Variants in LGSN observed in about 807,000 individuals in gnomAD.
The protein encoded by LGSN is lengsin.
Under a neutral mutation model 19.5 loss-of-function variants are expected in LGSN, and 21 were observed. That is an observed-to-expected ratio of 1.07 (90% CI 0.76 to 1.55). LGSN has a LOEUF of 1.55. LGSN is among the 40% of genes most tolerant of loss of function. LGSN has a pLI of 0.00. For missense variants in LGSN, 673 were observed against 608.5 expected (o/e 1.11, Z -1.12); for synonymous variants, 257 against 215.6 (o/e 1.19, Z -1.68).
chr6:63,461,578 A>G, the LGSN span, among the ~76,000 whole-genome samples: 2 of 152,166 alleles, frequency 1.3e-5, no homozygotes, highest in South Asian at 2.1e-4. Context: ...CTACATTTAC[A>G]TGATCTAGTT....
At chr6:63,386,820 C>A in the LGSN span, among the ~76,000 whole-genome samples, 3 of 151,992 alleles carry the variant, frequency 2.0e-5, no homozygotes, top group Non-Finnish European at 4.4e-5. Context: ...AAATAAGGGG[C>A]GGGCATGGTG....
chr6:63,430,915 C>T, the LGSN span, among the ~76,000 whole-genome samples: 1 of 152,100 alleles, frequency 6.6e-6, no homozygotes. Context: ...TTGTCTACCA[C>T]ATATGATTTA....
chr6:63,483,415 G>A, the LGSN span, among the ~76,000 whole-genome samples: 3 of 151,350 alleles, frequency 2.0e-5, no homozygotes, highest in Admixed American at 2.0e-4. Flanking sequence ...ACCCAGGCTG[G>A]AGTGCAGTGG....
At chr6:63,505,705 G>A in the LGSN span, among the ~76,000 whole-genome samples, 1 of 151,858 alleles carries the variant, frequency 6.6e-6, no homozygotes, top group African/African-American at 2.4e-5. Flanking sequence ...TGTCGCCCAG[G>A]CCAAAGTGCA....
Position 63,276,681 on chromosome 6 carries a change from T to C in LGSN, c.*3340A>G, listed in dbSNP as rs776358043. 2 of 152,228 alleles carry C rather than the reference T, an allele frequency of 1.3e-5. No individual in the cohort carries two copies. The highest frequency in any genetic ancestry group is 2.9e-5 in the Non-Finnish European group (2 of 68,040). The allele number at this position is 152,228 out of a possible 1,614,324, so 9.4% of individuals were successfully genotyped here. ...GATACACAGATCCAAAACTCTTTCA[T>C]TGTCTGCTCATCTTTGTTTTGGTCT... is the stretch of plus-strand genomic sequence containing the variant. On this transcript the variant is annotated 3_prime_UTR_variant, in exon 4 of 4. Coordinates refer to ENST00000370657, the MANE Select transcript of LGSN (RefSeq NM_016571.3).
At chr6:63,335,333 T>C in the LGSN span, among the ~76,000 whole-genome samples, 1 of 151,802 alleles carries the variant, frequency 6.6e-6, no homozygotes, top group South Asian at 2.1e-4. Context: ...GAAGAAAACA[T>C]AGGAAAAACT....
intron 2 of LGSN, chr6:63,293,571 C>G (rs1582030415): frequency 6.2e-6 from 2 of 323,014 alleles, no homozygotes; most frequent in South Asian, 2.5e-5. Flanking sequence ...TATTCCTCAA[C>G]CAACATTACA....
chr6:63,560,490 C>T, the LGSN span, among the ~76,000 whole-genome samples: 1 of 151,280 alleles, frequency 6.6e-6, no homozygotes, highest in South Asian at 2.1e-4. Flanking sequence ...GCAACCTCTG[C>T]CTCCCGAGTT....
At chr6:63,461,060 G>T in the LGSN span, among the ~76,000 whole-genome samples, 1 of 152,132 alleles carries the variant, frequency 6.6e-6, no homozygotes, top group Non-Finnish European at 1.5e-5. Flanking sequence ...TGTCTCTGCT[G>T]CTGGGTTTTT....
the LGSN span, among the ~76,000 whole-genome samples, chr6:63,364,488 G>C: frequency 6.6e-6 from 1 of 152,102 alleles, no homozygotes; most frequent in African/African-American, 2.4e-5. Context: ...ATAATAATGG[G>C]AGACTTTAAC....
the LGSN span, among the ~76,000 whole-genome samples, chr6:63,347,498 A>G: frequency 6.6e-6 from 1 of 152,238 alleles, no homozygotes; most frequent in Non-Finnish European, 1.5e-5. Flanking sequence ...TTCAAGGTCT[A>G]TGACTTTCCT....
the LGSN span, among the ~76,000 whole-genome samples, chr6:63,513,922 A>AG: frequency 6.8e-6 from 1 of 146,410 alleles, no homozygotes; most frequent in African/African-American, 2.5e-5. Flanking sequence ...AAAAAAAAAA[A>AG]AAAAAAAAAA....
chr6:63,520,664 A>AATAT, the LGSN span, among the ~76,000 whole-genome samples: 1 of 151,376 alleles, frequency 6.6e-6, no homozygotes, highest in East Asian at 1.9e-4. Context: ...TAAATAAATA[A>AATAT]ATAAATAAAA....
At chr6:63,466,572 C>T in the LGSN span, among the ~76,000 whole-genome samples, 1 of 152,122 alleles carries the variant, frequency 6.6e-6, no homozygotes, top group Non-Finnish European at 1.5e-5. Context: ...TGGCTTCCAC[C>T]TTTGTGGTAA....
the LGSN span, among the ~76,000 whole-genome samples, chr6:63,514,941 G>A: frequency 2.0e-5 from 3 of 151,730 alleles, no homozygotes; most frequent in African/African-American, 7.3e-5. Context: ...TGGATGAAAG[G>A]GTACCTCCTA....
At chr6:63,304,609 A>T (rs1285964416) in intron 1 of LGSN, among the ~76,000 whole-genome samples, 1 of 152,162 alleles carries the variant, frequency 6.6e-6, no homozygotes, top group African/African-American at 2.4e-5. Flanking sequence ...TTATTCTTTG[A>T]TCTATTTAAC....
chr6:63,384,196 G>A, the LGSN span, among the ~76,000 whole-genome samples: 1 of 152,136 alleles, frequency 6.6e-6, no homozygotes. Flanking sequence ...TTCATTTGAT[G>A]TCTACCTCTC....
chr6:63,313,708 C>T (rs1315862313), intron 1 of LGSN, among the ~76,000 whole-genome samples: 19 of 151,872 alleles, frequency 1.3e-4, no homozygotes, highest in South Asian at 2.1e-4. Flanking sequence ...TGGTGGTGCA[C>T]GCCTGTAATC....
chr6:63,551,874 A>G, the LGSN span, among the ~76,000 whole-genome samples: 3 of 152,300 alleles, frequency 2.0e-5, no homozygotes, highest in Middle Eastern at 0.01. Flanking sequence ...ACATGAACTC[A>G]TCATTTTTTA....
Sources: gnomAD v4.1 joint callset for allele counts (sites outside exome capture counted in the v4.1 genomes callset) on GRCh38, gnomAD v4.1.1 for gene constraint, MANE v1.5 for transcripts, NCBI Gene and HGNC (gene_info 2026-07-23, HGNC 2026-07-21) for gene names.